TTI1: variants seen among roughly 807,000 people sequenced by gnomAD.
TTI1 encodes TELO2-interacting protein 1 homolog.
TTI1 carries 52 observed loss-of-function variants against 85.4 expected under a neutral mutation model. The ratio of observed to expected loss-of-function variants is 0.61; its 90% CI spans 0.49 to 0.77. The LOEUF (loss-of-function observed/expected upper bound fraction) is 0.77. Ranked by LOEUF, TTI1 falls within the 30% of genes least tolerant of loss-of-function variation. The pLI is 0.00. For synonymous variants in TTI1, 512 were observed against 503.9 expected, an observed-to-expected ratio of 1.02 and a Z score of -0.22; for missense variants, 1,173 against 1,296.0, an observed-to-expected ratio of 0.91 and a Z score of 1.46.
intron 2 of TTI1, among the ~76,000 whole-genome samples, chr20:38,006,797 T>C (rs1245414515): frequency 6.6e-6 from 1 of 152,244 alleles, no homozygotes; most frequent in East Asian, 1.9e-4. Context: ...CTCATCACAA[T>C]ATGTGATTAT....
chr20:37,992,940 G>C (rs567392710), intron 7 of TTI1, among the ~76,000 whole-genome samples: 4 of 152,316 alleles, frequency 2.6e-5, no homozygotes, highest in African/African-American at 9.6e-5. Context: ...AGTTGGCTGA[G>C]ATGGGGGTGT....
chr20:38,025,912 C>G (rs1270648719), intron 1 of TTI1, among the ~76,000 whole-genome samples: 1 of 152,136 alleles, frequency 6.6e-6, no homozygotes, highest in Non-Finnish European at 1.5e-5. Flanking sequence ...AGAGAAAAAA[C>G]TACTGAAAAA....
At chr20:38,020,350 A>ATATGTATG (rs1279552871) in intron 1 of TTI1, among the ~76,000 whole-genome samples, 1 of 125,854 alleles carries the variant, frequency 7.9e-6, no homozygotes. Context: ...ATATATATAT[A>ATATGTATG]TATGTATGTA....
intron 3 of TTI1, among the ~76,000 whole-genome samples, chr20:38,005,189 A>T (rs1037881489): frequency 1.3e-5 from 2 of 152,228 alleles, no homozygotes; most frequent in African/African-American, 4.8e-5. Context: ...GAAAAGAAAA[A>T]GAAAAAGAAA....
intron 1 of TTI1, among the ~76,000 whole-genome samples, chr20:38,024,524 T>C (rs1421208621): frequency 1.3e-5 from 2 of 152,060 alleles, no homozygotes; most frequent in Admixed American, 6.5e-5. Context: ...GCTGGCAACC[T>C]GGAAGCACCA....
Position 38,012,185 on chromosome 20 carries a change from T to C in TTI1, c.1632A>G (p.Lys544=), listed in dbSNP as rs1451049034. ...AGLEVEDLHE[K]HIKTNPEELR... ...GTTCTTCTGGGTTTGTTTTAATATG[T>C]TTTTCGTGAAGATCCTCAACCTCCA... The change falls in exon 2 of 8, where the codon AAA becomes AAG. Residue 544 remains lysine, a synonymous_variant. Coordinates refer to ENST00000373447, the MANE Select transcript of TTI1 (RefSeq NM_001303457.2). 3.7e-6 allele frequency: 6 copies of C among 1,614,188 alleles called. No homozygotes were observed. The highest frequency in any genetic ancestry group is 3.4e-6 in the Non-Finnish European group (4 of 1,180,038).
At chr20:38,027,709 G>A (rs1345185993) in intron 1 of TTI1, among the ~76,000 whole-genome samples, 2 of 152,164 alleles carry the variant, frequency 1.3e-5, no homozygotes, top group East Asian at 1.9e-4. Flanking sequence ...TGGATCACCC[G>A]ACGTCAGGAG....
rs139651238 is a variant in TTI1 at position 37,997,321 on chromosome 20, T to A, written c.2794-368A>T. 3.4e-4 allele frequency among the ~76,000 whole-genome samples: 51 copies of A among 151,918 alleles called. No individual in the cohort carries two copies. The East Asian group carries it at 9.1e-3, about 27-fold the overall frequency. ...ATTTCTTGAATCTTCCTAACATCCC[T>A]TGAGAAAATATGTATGCTTTAAACT... On this transcript the variant is annotated intron_variant, in intron 5 of 7. Coordinates refer to ENST00000373447, the MANE Select transcript of TTI1 (RefSeq NM_001303457.2).
At position 38,011,562 on chromosome 20, in the gene TTI1, C is replaced by T. The variant is rs1453685156; in HGVS notation, c.2255G>A (p.Arg752Lys). The T allele has an allele frequency of 6.2e-7, 1 of 1,614,206 alleles. No individual in the cohort carries two copies. Among genetic ancestry groups the T allele is most frequent in the Non-Finnish European group, 8.5e-7 (1 of 1,180,028 alleles). Residue 752 changes from arginine to lysine, a missense_variant, in exon 2 of 8, where the codon AGA (arginine) becomes AAA (lysine). Arg to Lys is a conservative substitution (Grantham distance 26). Transcript: ENST00000373447. ...LATLDQFYDK[R>K]AASFVSVLHA... The stretch of plus-strand genomic sequence containing the variant: ...CAGAACGCTGACAAAGGAAGCAGCT[C>T]TCTTATCGTAAAATTGGTCCAGGGT...
Position 38,012,618 on chromosome 20 carries a change from G to C in TTI1, c.1199C>G (p.Thr400Ser), listed in dbSNP as rs750568328. ...CAGATAACCAAGTAACAAGGAAAGA[G>C]TAGAGAATTTGCCCTGGTCATCTTG... ...NSQDDQGKFS[T>S]LSLLLGYLKL... The change falls in exon 2 of 8, where the codon ACT becomes AGT. Residue 400 changes from threonine to serine, a missense_variant. Thr to Ser is a moderately conservative substitution (Grantham distance 58). Coordinates refer to ENST00000373447, the MANE Select transcript of TTI1 (RefSeq NM_001303457.2). 1.9e-6 allele frequency: 3 copies of C among 1,614,106 alleles called. No individual in the cohort carries two copies. The highest frequency in any genetic ancestry group is 1.3e-5 in the African/African-American group (1 of 74,942).
chr20:38,000,495 C>T (rs2073409235), intron 4 of TTI1: 1 of 155,660 alleles, frequency 6.4e-6, no homozygotes, highest in African/African-American at 2.4e-5. Context: ...CCAGCGCAGG[C>T]TTCCCTCCCA....
At chr20:37,990,250 C>T (rs535604616) in intron 7 of TTI1, among the ~76,000 whole-genome samples, 1 of 152,210 alleles carries the variant, frequency 6.6e-6, no homozygotes, top group African/African-American at 2.4e-5. Context: ...TAAGATGTTC[C>T]AAGTCATTTT....
chr20:38,015,777 A>T (rs1229296912), intron 1 of TTI1, among the ~76,000 whole-genome samples: 2 of 152,214 alleles, frequency 1.3e-5, no homozygotes. Context: ...CCAAAACCCA[A>T]TTAGTGGCCT....
chr20:38,018,363 C>T (rs1026576555), intron 1 of TTI1, among the ~76,000 whole-genome samples: 1 of 152,110 alleles, frequency 6.6e-6, no homozygotes, highest in African/African-American at 2.4e-5. Context: ...AAGATATTAA[C>T]AGTAAATTGG....
chr20:38,011,627 C>A lies in TTI1; in HGVS notation c.2190G>T (p.Leu730=). 1 of 1,614,216 alleles carries A rather than the reference C, an allele frequency of 6.2e-7. No individual in the cohort carries two copies. Among genetic ancestry groups the A allele is most frequent in the South Asian group, 1.1e-5 (1 of 91,088 alleles). The part of the protein sequence containing the change: ...EVMLRNSDAN[L]LPLVADVVQD... ...GAACCACATCTGCCACCAAAGGAAG[C>A]AGGTTAGCATCTGAGTTCCGCAGCA... The change falls in exon 2 of 8, where the codon CTG becomes CTT. Residue 730 remains leucine (L), a synonymous_variant. Transcript: ENST00000373447.
At chr20:38,022,763 TTC>T (rs2073786650) in intron 1 of TTI1, among the ~76,000 whole-genome samples, 1 of 152,216 alleles carries the variant, frequency 6.6e-6, no homozygotes, top group Non-Finnish European at 1.5e-5. Flanking sequence ...CATGTATATT[TTC>T]TCTCTATACA....
At chr20:37,987,391 G>A in intron 7 of TTI1, 1 of 456,474 alleles carries the variant, frequency 2.2e-6, no homozygotes, top group Non-Finnish European at 4.4e-6. Context: ...CGATGCGCAG[G>A]GATGGCTGTT....
Position 37,999,343 on chromosome 20 carries a change from A to G in TTI1, c.2653-15T>C. Reference sequence around the variant, plus strand: ...ACATCCAAGACCTGAAAGAGACACGATTTCAGCAGATGGTATAGGCTTGAA... The same window carrying G: ...ACATCCAAGACCTGAAAGAGACACGGTTTCAGCAGATGGTATAGGCTTGAA... On this transcript the variant is annotated splice_polypyrimidine_tract_variant and intron_variant, in intron 4 of 7. Coordinates refer to ENST00000373447, the MANE Select transcript of TTI1 (RefSeq NM_001303457.2). The G allele has an allele frequency of 1.4e-6, 2 of 1,388,254 alleles. No homozygotes were observed. Among genetic ancestry groups the G allele is most frequent in the Non-Finnish European group, 1.9e-6 (2 of 1,060,550 alleles). The allele number at this position is 1,388,254 out of a possible 1,614,324, so 86.0% of individuals were successfully genotyped here. A position where few individuals can be genotyped will look rare whatever the true frequency, so the allele number is the denominator to read the frequency against.
At chr20:38,021,232 G>C (rs2073767391) in intron 1 of TTI1, among the ~76,000 whole-genome samples, 1 of 152,156 alleles carries the variant, frequency 6.6e-6, no homozygotes, top group Non-Finnish European at 1.5e-5. Context: ...TTTCTCTAAG[G>C]AAGACAGCAT....
Sources: gnomAD v4.1 joint callset for allele counts (sites outside exome capture counted in the v4.1 genomes callset) on GRCh38, gnomAD v4.1.1 for gene constraint, MANE v1.5 for transcripts, NCBI Gene and HGNC (gene_info 2026-07-23, HGNC 2026-07-21) for gene names.